The following UBXN8 variants were observed in gnomAD, a reference collection of about 807,000 sequenced individuals.
UBXN8 encodes the protein UBX domain protein 8.
UBXN8 carries 27 observed loss-of-function variants against 32.1 expected under a neutral mutation model. The observed-to-expected ratio is 0.84, with a 90% CI of 0.62 to 1.16. The LOEUF is 1.16. Ranked by LOEUF, UBXN8 falls within the 50% of genes most tolerant of loss-of-function variation. The pLI is 0.00. For missense variants in UBXN8, 306 were observed against 311.4 expected, an observed-to-expected ratio of 0.98 and a Z score of 0.13; for synonymous variants, 109 against 111.8, an observed-to-expected ratio of 0.98 and a Z score of 0.16.
Position 30,746,803 on chromosome 8 carries a change from C to T in UBXN8, c.88+2526C>T, listed in dbSNP as rs1175223138. ...CCTCCCAAAGTGCTGGGATTACAGG[C>T]GTGAGCCACCGCGCCCTGACTAAGC... is the stretch of plus-strand genomic sequence containing the variant. On this transcript the variant is annotated intron_variant, in intron 1 of 7. Coordinates refer to ENST00000265616, the MANE Select transcript of UBXN8 (RefSeq NM_005671.4). 3.6e-5 allele frequency among the ~76,000 whole-genome samples: 5 copies of T among 139,308 alleles called. 1 individual carries two copies. The highest frequency in any genetic ancestry group is 5.0e-4 in the South Asian group (2 of 3,962). 91.4% of individuals were successfully genotyped at this position (139,308 alleles called of 152,430 possible). A position where few individuals can be genotyped will look rare whatever the true frequency, so the allele number is the denominator to read the frequency against.
upstream of UBXN8, among the ~76,000 whole-genome samples, chr8:30,730,450 A>G (rs1037916479): frequency 6.6e-5 from 10 of 152,268 alleles, no homozygotes; most frequent in African/African-American, 2.4e-4. Flanking sequence ...TTTAACACAG[A>G]TGAAAGGCGG....
At chr8:30,740,999 A>G (rs533720459), upstream of UBXN8, among the ~76,000 whole-genome samples, 3 of 152,294 alleles carry the variant, frequency 2.0e-5, no homozygotes, top group South Asian at 6.2e-4. Context: ...GGGAAAATCT[A>G]ACTTCAATTT....
chr8:30,758,900 T>TTTTTTTTTTTTTTTTTTTTTTTTTTG (rs1554578741), intron 5 of UBXN8, among the ~76,000 whole-genome samples: 6 of 122,030 alleles, frequency 4.9e-5, no homozygotes, highest in East Asian at 4.9e-4. Flanking sequence ...TTTTGTTTTT[T>TTTTTTTTTTTTTTTTTTTTTTTTTTG]TTTTTTTTTT....
chr8:30,753,093 A>G lies in UBXN8; in HGVS notation c.270A>G (p.Ala90=). ...QKLVRKKQQE[A]QGEKASRYIE... Reference sequence around the variant, plus strand: ...TTGTGAGAAAAAAACAACAAGAAGCACAAGGAGAGAAGGTAAGGCAGAATT... The same window carrying G: ...TTGTGAGAAAAAAACAACAAGAAGCGCAAGGAGAGAAGGTAAGGCAGAATT... The change falls in exon 3 of 8, where the codon GCA becomes GCG. Residue 90 remains alanine (A), a synonymous_variant. Transcript: ENST00000265616. 1 of 1,530,000 alleles carries G rather than the reference A, an allele frequency of 6.5e-7. No homozygotes were observed. Among genetic ancestry groups the G allele is most frequent in the Non-Finnish European group, 8.8e-7 (1 of 1,140,056 alleles). The allele number at this position is 1,530,000 out of a possible 1,614,324, so 94.8% of individuals were successfully genotyped here. A position where few individuals can be genotyped will look rare whatever the true frequency, so the allele number is the denominator to read the frequency against.
At chr8:30,737,578 CAA>C (rs1805097001) in intron 1 of UBXN8, among the ~76,000 whole-genome samples, 1 of 152,120 alleles carries the variant, frequency 6.6e-6, no homozygotes, top group African/African-American at 2.4e-5. Flanking sequence ...TTGGATGAAT[CAA>C]GTCTATGTGA....
At chr8:30,747,012 G>A (rs1460976919) in intron 1 of UBXN8, among the ~76,000 whole-genome samples, 3 of 138,178 alleles carry the variant, frequency 2.2e-5, no homozygotes, top group South Asian at 5.2e-4. Flanking sequence ...AAAATTAGCG[G>A]AGCATGGTGG....
intron 6 of UBXN8, 24 bp from the exon 7 acceptor site, chr8:30,763,249 C>G: frequency 6.2e-7 from 1 of 1,611,120 alleles, no homozygotes; most frequent in Non-Finnish European, 8.5e-7. Context: ...GATCGGAGTT[C>G]TTATGTGAAT....
At chr8:30,740,690 A>G (rs4038068), upstream of UBXN8, among the ~76,000 whole-genome samples, 38,456 of 151,542 alleles carry the variant, frequency 0.25, 5,637 homozygotes, top group African/African-American at 0.41. Context: ...GTGCCACTGC[A>G]CTCCAGCCTG....
At chr8:30,750,500 C>T (rs566359958) in intron 1 of UBXN8, among the ~76,000 whole-genome samples, 4 of 150,784 alleles carry the variant, frequency 2.7e-5, no homozygotes, top group Middle Eastern at 3.5e-3. Context: ...CGGCCGGGCA[C>T]GGTGGCTCAC....
intron 1 of UBXN8, among the ~76,000 whole-genome samples, chr8:30,749,762 C>T (rs1586095932): frequency 1.3e-5 from 2 of 152,046 alleles, no homozygotes; most frequent in Non-Finnish European, 2.9e-5. Flanking sequence ...CCCGCCACCG[C>T]GCCCAGCTAA....
In UBXN8 at chr8:30,749,129, C is replaced by T. The variant is rs550556037; in HGVS notation, c.89-2267C>T. On this transcript the variant is annotated intron_variant, in intron 1 of 7. Coordinates refer to ENST00000265616, the MANE Select transcript of UBXN8 (RefSeq NM_005671.4). ...CAAATACTGGCTGGGTGCGGTGGCT[C>T]ATGCCTGTAATCCCAGCACTTTGGG... 1.4e-4 allele frequency among the ~76,000 whole-genome samples: 21 copies of T among 152,168 alleles called. 1 individual carries two copies. In the South Asian group the frequency reaches 4.4e-3, roughly 32 times the overall value.
intron 1 of UBXN8, among the ~76,000 whole-genome samples, chr8:30,738,683 C>T (rs1455992586): frequency 2.0e-5 from 3 of 147,980 alleles, no homozygotes; most frequent in Non-Finnish European, 4.4e-5. Flanking sequence ...AAGCTAGGCA[C>T]GGTGGCTCAC....
chr8:30,736,808 A>G (rs2128751868), intron 1 of UBXN8, among the ~76,000 whole-genome samples: 1 of 152,302 alleles, frequency 6.6e-6, no homozygotes, highest in Non-Finnish European at 1.5e-5. Context: ...GCAATATTTA[A>G]GATAAACAAA....
chr8:30,765,368 G>A (rs1033222601), intron 7 of UBXN8, among the ~76,000 whole-genome samples: 6 of 151,900 alleles, frequency 3.9e-5, no homozygotes, highest in Non-Finnish European at 7.4e-5. Context: ...CAACCTCCCC[G>A]GACTCAGGTG....
At chr8:30,766,200 G>C (rs987005071) in intron 7 of UBXN8, 27 bp from the exon 8 acceptor site, 1 of 1,598,422 alleles carries the variant, frequency 6.3e-7, no homozygotes, top group African/African-American at 1.3e-5. Flanking sequence ...ATTTGATAAT[G>C]ACTAAGCCAA....
At chr8:30,744,453 C>T (rs1175817649) in intron 1 of UBXN8, 176 bp downstream of exon 1, 9 of 652,038 alleles carry the variant, frequency 1.4e-5, no homozygotes, top group Non-Finnish European at 2.2e-5. Flanking sequence ...GGAACCTTTT[C>T]CCTCCAGGTG....
chr8:30,755,570 T>C (rs577599361), intron 4 of UBXN8, among the ~76,000 whole-genome samples: 1 of 139,418 alleles, frequency 7.2e-6, no homozygotes, highest in African/African-American at 2.7e-5. Context: ...CTGGGCAACA[T>C]AGGAAGACCC....
At position 30,751,332 on chromosome 8, in the gene UBXN8, A is replaced by G. The variant is rs186550417; in HGVS notation, c.89-64A>G. 6.0e-3 allele frequency: 8,212 copies of G among 1,377,752 alleles called. 40 individuals carry two copies. The highest frequency in any genetic ancestry group is 6.6e-3 in the Non-Finnish European group (6,653 of 1,005,110). The allele number at this position is 1,377,752 out of a possible 1,614,324, so 85.3% of individuals were successfully genotyped here. ...AGTTCGAGACCAGCCTAGTCAACAT[A>G]GTGAGACCTCATCTCTTAAAAAAAA... On this transcript the variant is annotated intron_variant, in intron 1 of 7. Coordinates refer to ENST00000265616, the MANE Select transcript of UBXN8 (RefSeq NM_005671.4).
upstream of UBXN8, chr8:30,732,459 A>T (rs923080847): frequency 5.4e-6 from 2 of 367,352 alleles, no homozygotes; most frequent in African/African-American, 2.1e-5. Context: ...GGAGCCTAAG[A>T]CCAGAAGGCA....
Sources: allele counts gnomAD v4.1 joint callset (sites outside exome capture counted in the v4.1 genomes callset), GRCh38; gene constraint gnomAD v4.1.1; transcripts MANE v1.5; gene names NCBI Gene and HGNC (gene_info 2026-07-23, HGNC 2026-07-21).